Variants in SPATA17 observed in about 807,000 individuals in gnomAD.
SPATA17 encodes the protein spermatogenesis associated 17, also known as spermatogenesis-associated protein 17.
A neutral mutation model predicts 62.2 loss-of-function variants in SPATA17; 53 were observed. The ratio of observed to expected loss-of-function variants is 0.85; its 90% confidence interval spans 0.68 to 1.07. The LOEUF is 1.07. Among genes scored for constraint, SPATA17 ranks in the 50% least tolerant of loss-of-function variants. The pLI is 0.00. For synonymous variants in SPATA17, 146 were observed against 146.8 expected (o/e 0.99, Z 0.04); for missense variants, 466 against 425.5 (o/e 1.10, Z -0.84).
intron 9 of SPATA17, among the ~76,000 whole-genome samples, chr1:217,842,297 T>C (rs1215736550): frequency 6.6e-6 from 1 of 152,086 alleles, no homozygotes; most frequent in Non-Finnish European, 1.5e-5. Flanking sequence ...TGTCAAGTTT[T>C]AGTATCGAGA....
chr1:217,641,942 C>A (rs557763425), intron 1 of SPATA17, among the ~76,000 whole-genome samples: 14 of 152,254 alleles, frequency 9.2e-5, no homozygotes, highest in African/African-American at 2.9e-4. Context: ...TAATATGGTA[C>A]ATTTTCTCAG....
At chr1:217,727,367 C>T (rs1357796165) in intron 5 of SPATA17, among the ~76,000 whole-genome samples, 1 of 151,460 alleles carries the variant, frequency 6.6e-6, no homozygotes, top group Admixed American at 6.6e-5. Flanking sequence ...TTTGCATTCT[C>T]TCATTGAGAT....
chr1:217,661,987 A>C (rs1410524882), intron 3 of SPATA17, among the ~76,000 whole-genome samples: 3 of 152,144 alleles, frequency 2.0e-5, no homozygotes, highest in Admixed American at 6.6e-5. Context: ...AAATAAAAAT[A>C]AGTCATTCTT....
chr1:217,674,151 C>A (rs1670894566), intron 4 of SPATA17, among the ~76,000 whole-genome samples: 1 of 152,070 alleles, frequency 6.6e-6, no homozygotes, highest in Non-Finnish European at 1.5e-5. Flanking sequence ...GAATAAATAG[C>A]TATAGCTGGG....
intron 9 of SPATA17, among the ~76,000 whole-genome samples, chr1:217,845,125 T>A (rs1675494426): frequency 6.6e-6 from 1 of 152,138 alleles, no homozygotes; most frequent in Admixed American, 6.6e-5. Context: ...TTTTCATAAG[T>A]TGGTTGAAGC....
Position 217,677,094 on chromosome 1 carries a change from A to G in SPATA17, c.292-6164A>G, listed in dbSNP as rs1009431675. On this transcript the variant is annotated intron_variant, in intron 4 of 10. Coordinates refer to ENST00000366933, the MANE Select transcript of SPATA17 (RefSeq NM_138796.4). Reference sequence around the variant, plus strand: ...TTGAAATGCTCACATTTAGGGAAACAGAAGCAATAGTAACAAGAGAAACAG... The same window carrying G: ...TTGAAATGCTCACATTTAGGGAAACGGAAGCAATAGTAACAAGAGAAACAG... 1.9e-4 allele frequency among the ~76,000 whole-genome samples: 29 copies of G among 152,152 alleles called. 1 individual carries two copies. Among genetic ancestry groups the G allele is most frequent in the Admixed American group, 9.8e-4 (15 of 15,276 alleles).
At chr1:217,860,379 G>A (rs986152221) in intron 9 of SPATA17, among the ~76,000 whole-genome samples, 1 of 152,092 alleles carries the variant, frequency 6.6e-6, no homozygotes, top group Non-Finnish European at 1.5e-5. Context: ...TTCTGCTGTT[G>A]TTGGATTAAG....
intron 3 of SPATA17, among the ~76,000 whole-genome samples, chr1:217,655,290 C>T (rs1376199126): frequency 6.6e-6 from 1 of 152,104 alleles, no homozygotes; most frequent in Non-Finnish European, 1.5e-5. Context: ...GATTATTTCT[C>T]AATTTTTGCT....
At chr1:217,778,393 T>G (rs1246015301) in intron 7 of SPATA17, among the ~76,000 whole-genome samples, 1 of 152,012 alleles carries the variant, frequency 6.6e-6, no homozygotes, top group African/African-American at 2.4e-5. Flanking sequence ...TGGTGGCACA[T>G]GCCTGTAATC....
chr1:217,779,627 C>T (rs1010163680), intron 7 of SPATA17, among the ~76,000 whole-genome samples: 1 of 151,404 alleles, frequency 6.6e-6, no homozygotes, highest in Non-Finnish European at 1.5e-5. Flanking sequence ...TTTCTCTTTC[C>T]CTTCTTCCTT....
intron 6 of SPATA17, among the ~76,000 whole-genome samples, chr1:217,749,985 C>CTCTCTCTCTCTCTCTCTATATA: frequency 8.1e-5 from 1 of 12,314 alleles, no homozygotes; most frequent in Non-Finnish European, 1.6e-4. Flanking sequence ...CTCTCTCTCT[C>CTCTCTCTCTCTCTCTCTATATA]TATATATATA....
At chr1:217,821,701 G>A (rs1674866245) in intron 9 of SPATA17, among the ~76,000 whole-genome samples, 1 of 152,004 alleles carries the variant, frequency 6.6e-6, no homozygotes, top group Non-Finnish European at 1.5e-5. Context: ...TAAGATAGAA[G>A]ATGTTTAGCA....
At chr1:217,783,045 T>C (rs911788182) in intron 8 of SPATA17, among the ~76,000 whole-genome samples, 4 of 150,192 alleles carry the variant, frequency 2.7e-5, no homozygotes, top group Non-Finnish European at 4.4e-5. Context: ...ATTTATATGC[T>C]AAGTAAGACA....
chr1:217,850,555 T>C, intron 9 of SPATA17: 1 of 1,594,016 alleles, frequency 6.3e-7, no homozygotes, highest in Non-Finnish European at 8.6e-7. Flanking sequence ...ATATTGGCCT[T>C]CACATTTTCG....
intron 9 of SPATA17, among the ~76,000 whole-genome samples, chr1:217,857,934 A>G (rs1675818646): frequency 6.6e-6 from 1 of 152,178 alleles, no homozygotes; most frequent in Non-Finnish European, 1.5e-5. Flanking sequence ...ATTGGTTGGA[A>G]GCTAGCATAG....
At chr1:217,698,434 C>T (rs1397191260) in intron 5 of SPATA17, among the ~76,000 whole-genome samples, 1 of 151,534 alleles carries the variant, frequency 6.6e-6, no homozygotes, top group Non-Finnish European at 1.5e-5. Flanking sequence ...GCTCCATCCC[C>T]CTCCCACCAA....
At chr1:217,827,002 T>C (rs1230877661) in intron 9 of SPATA17, among the ~76,000 whole-genome samples, 3 of 152,074 alleles carry the variant, frequency 2.0e-5, no homozygotes, top group African/African-American at 7.2e-5. Context: ...TTTATGTCTT[T>C]TTCTAGTCTA....
At chr1:217,731,868 T>C (rs1161792428) in intron 5 of SPATA17, among the ~76,000 whole-genome samples, 1 of 152,156 alleles carries the variant, frequency 6.6e-6, no homozygotes, top group East Asian at 1.9e-4. Context: ...TATGTATACC[T>C]AAATAAACTG....
At chr1:217,697,204 C>G (rs1025963239) in intron 5 of SPATA17, among the ~76,000 whole-genome samples, 1 of 152,176 alleles carries the variant, frequency 6.6e-6, no homozygotes, top group Non-Finnish European at 1.5e-5. Flanking sequence ...TGGTGTTGAA[C>G]TCCTGACCTC....
Sources: allele counts gnomAD v4.1 joint callset (sites outside exome capture counted in the v4.1 genomes callset), GRCh38; gene constraint gnomAD v4.1.1; transcripts MANE v1.5; gene names NCBI Gene and HGNC (gene_info 2026-07-23, HGNC 2026-07-21).